SLC29A4: variants seen among roughly 807,000 people sequenced by gnomAD.
SLC29A4 encodes equilibrative nucleoside transporter 4.
A neutral mutation model predicts 43.9 loss-of-function variants in SLC29A4; 36 were observed. The ratio of observed to expected loss-of-function variants is 0.82; its 90% CI spans 0.63 to 1.08. The LOEUF (loss-of-function observed/expected upper bound fraction) is 1.08. Among genes scored for constraint, SLC29A4 ranks in the 50% least tolerant of loss-of-function variants. SLC29A4 has a pLI of 0.00. For missense variants in SLC29A4, 869 were observed against 755.3 expected (o/e 1.15, Z -1.77); for synonymous variants, 491 against 338.0 (o/e 1.45, Z -4.97).
intron 6 of SLC29A4, 120 bp from the exon 7 acceptor site, chr7:5,296,816 G>C: frequency 8.7e-7 from 1 of 1,149,040 alleles, no homozygotes; most frequent in Non-Finnish European, 1.2e-6. Context: ...TGGGGGCAGG[G>C]CCTGTGGTGG....
In SLC29A4 at chr7:5,305,298, C is replaced by A. The variant is rs2128094477; in HGVS notation, c.*2359C>A. On this transcript the variant is annotated 3_prime_UTR_variant, in exon 11 of 11. Transcript: ENST00000396872. ...AGTGTTTCCCAGAGCCCATGCCGGG[C>A]CCTTCCCTTGCCCGAGGCCGGCTGG... The A allele has an allele frequency of 6.6e-6, 1 of 152,438 alleles. No homozygotes were observed. The highest frequency in any genetic ancestry group is 2.4e-5 in the African/African-American group (1 of 41,592). 9.4% of individuals were successfully genotyped at this position (152,438 alleles called of 1,614,324 possible). A position where few individuals can be genotyped will look rare whatever the true frequency, so the allele number is the denominator to read the frequency against.
Position 5,306,187 on chromosome 7 carries a change from A to ATTTGTTTTTTTTTTT in SLC29A4, c.*3251_*3252insGTTTTTTTTTTTTTT, listed in dbSNP as rs1333210739. On this transcript the variant is annotated 3_prime_UTR_variant, in exon 11 of 11. Coordinates refer to ENST00000396872, the MANE Select transcript of SLC29A4 (RefSeq NM_153247.4). ...ATTTTTTCTCATGTAAATTTGTTCA[A>ATTTGTTTTTTTTTTT]TTTCTTTTTTTTTTTTTTTTTTTTT... is the stretch of plus-strand genomic sequence containing the variant. 2 of 117,584 alleles carry ATTTGTTTTTTTTTTT rather than the reference A, an allele frequency of 1.7e-5. No homozygotes were observed. The highest frequency in any genetic ancestry group is 3.2e-5 in the African/African-American group (1 of 31,348). 7.3% of individuals were successfully genotyped at this position (117,584 alleles called of 1,614,324 possible).
chr7:5,287,938 A>G lies in SLC29A4; in HGVS notation c.122A>G (p.Gln41Arg). 6.2e-7 allele frequency: 1 copy of G among 1,611,264 alleles called. No homozygotes were observed. The highest frequency in any genetic ancestry group is 1.1e-5 in the South Asian group (1 of 90,962). Reference sequence around the variant, plus strand: ...CTGGAGGAGGCGGCGGAGGCGGCTCAGGGCCAGGGCCTTAGGGCCAGGGGC... The same window carrying G: ...CTGGAGGAGGCGGCGGAGGCGGCTCGGGGCCAGGGCCTTAGGGCCAGGGGC... ...HQLEEAAEAA[Q>R]GQGLRARGVP... Residue 41 changes from glutamine to arginine, a missense_variant, in exon 2 of 11, where the codon CAG (glutamine) becomes CGG (arginine). Transcript: ENST00000396872.
rs972043236 is a variant in SLC29A4, at chr7:5,304,120, C to G, written c.*1181C>G. 1.3e-5 allele frequency: 2 copies of G among 152,372 alleles called. No individual in the cohort carries two copies. Among genetic ancestry groups the G allele is most frequent in the African/African-American group, 4.8e-5 (2 of 41,476 alleles). 9.4% of individuals were successfully genotyped at this position (152,372 alleles called of 1,614,324 possible). ...GGGCTGGGACTGCCATCTCGGGATA[C>G]CGGTGGAACTCGGGCTGCCCCGCAT... is the stretch of plus-strand genomic sequence containing the variant. On this transcript the variant is annotated 3_prime_UTR_variant, in exon 11 of 11. Transcript: ENST00000396872.
intron 2 of SLC29A4, among the ~76,000 whole-genome samples, chr7:5,288,424 C>T (rs530041037): frequency 6.7e-6 from 1 of 150,370 alleles, no homozygotes; most frequent in Admixed American, 6.7e-5. Flanking sequence ...CCTGCCTCAG[C>T]CTCCCAAGTA....
chr7:5,300,445 C>G lies in SLC29A4; in HGVS notation c.1233C>G (p.Asp411Glu), dbSNP rs1414808298. 1 of 1,611,346 alleles carries G rather than the reference C, an allele frequency of 6.2e-7. No individual in the cohort carries two copies. The change falls in exon 10 of 11, where the codon GAC becomes GAG. Residue 411 changes from aspartate (D) to glutamate (E), a missense_variant. Coordinates refer to ENST00000396872, the MANE Select transcript of SLC29A4 (RefSeq NM_153247.4). ...VGKILAALPV[D>E]WRGTHLLACS... ...AGATCCTGGCAGCCCTGCCCGTGGA[C>G]TGGCGGGGCACCCACCTGCTGGCCT...
intron 1 of SLC29A4, among the ~76,000 whole-genome samples, chr7:5,287,343 A>G (rs1228049734): frequency 6.6e-6 from 1 of 151,886 alleles, no homozygotes; most frequent in Non-Finnish European, 1.5e-5. Context: ...CCTTGAGCCC[A>G]GGAGGTCGTG....
intron 5 of SLC29A4, among the ~76,000 whole-genome samples, chr7:5,292,024 C>T (rs6463370): frequency 0.69 from 104,505 of 151,790 alleles, 36,532 homozygotes; most frequent in East Asian, 0.89. Flanking sequence ...GTGTGCGCAG[C>T]GTGTAGCCAC....
rs1247235716 is a variant in SLC29A4, at chr7:5,287,953, G to C, written c.137G>C (p.Arg46Thr). ...AAEAAQGQGLRARGVPAFTDT... is the reference protein window; with the variant it reads ...AAEAAQGQGLTARGVPAFTDT... ...GAGGCGGCTCAGGGCCAGGGCCTTA[G>C]GGCCAGGGGCGTCCCAGCTTTCACG... The change falls in exon 2 of 11, where the codon AGG (arginine) becomes ACG (threonine). Residue 46 changes from arginine (R) to threonine (T), a missense_variant. Arg to Thr is a moderately conservative substitution (Grantham distance 71). Coordinates refer to ENST00000396872, the MANE Select transcript of SLC29A4 (RefSeq NM_153247.4). 10 of 1,610,256 alleles carry C rather than the reference G, an allele frequency of 6.2e-6. No individual in the cohort carries two copies. The highest frequency in any genetic ancestry group is 8.5e-7 in the Non-Finnish European group (1 of 1,179,364).
intron 4 of SLC29A4, among the ~76,000 whole-genome samples, 172 bp from the exon 5 acceptor site, chr7:5,291,521 C>T (rs1785308732): frequency 1.3e-5 from 2 of 152,226 alleles, no homozygotes; most frequent in Non-Finnish European, 2.9e-5. Flanking sequence ...CAAATGGTGC[C>T]TCCTACAGGA....
At chr7:5,297,234 G>GT in intron 7 of SLC29A4, 36 bp downstream of exon 7, 1 of 316,282 alleles carries the variant, frequency 3.2e-6, no homozygotes, top group East Asian at 2.3e-4. Context: ...TCCCTTCTCT[G>GT]TCCCCTTCTC....
rs1259420444 is a variant in SLC29A4, at chr7:5,306,861, AATTCCAAAAGAAACAT to A, written c.*3924_*3939del. 1 of 140,448 alleles carries A rather than the reference AATTCCAAAAGAAACAT, an allele frequency of 7.1e-6. No homozygotes were observed. Among genetic ancestry groups the A allele is most frequent in the East Asian group, 2.1e-4 (1 of 4,764 alleles). The allele number at this position is 140,448 out of a possible 1,614,324, so 8.7% of individuals were successfully genotyped here. ...TCACACAGAATTTGCCAACAAACAA[AATTCCAAAAGAAACAT>A]AAAAAAAAAAACCAATAATTCCCCC... On this transcript the variant is annotated 3_prime_UTR_variant, in exon 11 of 11. Coordinates refer to ENST00000396872, the MANE Select transcript of SLC29A4 (RefSeq NM_153247.4).
intron 1 of SLC29A4, among the ~76,000 whole-genome samples, chr7:5,287,418 A>G (rs780871845): frequency 6.7e-5 from 8 of 119,178 alleles, no homozygotes; most frequent in South Asian, 4.9e-4. Context: ...ACCCTGTCTG[A>G]AAAAAAAAAA....
chr7:5,301,162 G>A (rs977609041), intron 10 of SLC29A4, among the ~76,000 whole-genome samples: 8 of 152,032 alleles, frequency 5.3e-5, no homozygotes, highest in Admixed American at 3.3e-4. Flanking sequence ...TACTCGGGAG[G>A]CTGAGATGGG....
rs189428460 is a variant in SLC29A4, at chr7:5,299,090, C to A, written c.985C>A (p.Arg329=). The A allele has an allele frequency of 3.2e-5, 51 of 1,610,398 alleles. 1 individual carries two copies. The Middle Eastern group carries it at 5.0e-4, about 16-fold the overall frequency. ...GGCCTACATGCGCTTTGATGTGCCG[C>A]GGCCAAGGGTCCAGCGCAGCTGGCC... ...GGAYMRFDVP[R]PRVQRSWPTF... Residue 329 remains arginine, a synonymous_variant, in exon 8 of 11, where the codon CGG becomes AGG. Transcript: ENST00000396872.
intron 10 of SLC29A4, among the ~76,000 whole-genome samples, chr7:5,301,290 C>T (rs565610534): frequency 2.0e-5 from 3 of 149,734 alleles, no homozygotes; most frequent in East Asian, 2.0e-4. Context: ...CCCAGATCGG[C>T]GTGACTGGTT....
chr7:5,304,971 C>T lies in SLC29A4; in HGVS notation c.*2032C>T, dbSNP rs917947799. ...AGCTGTGAATACAGGCGCGTGCCACCACGTCTGGCCAGATTCTTTTATTTT... is the reference window on the plus strand; with the variant it reads ...AGCTGTGAATACAGGCGCGTGCCACTACGTCTGGCCAGATTCTTTTATTTT... On this transcript the variant is annotated 3_prime_UTR_variant, in exon 11 of 11. Transcript: ENST00000396872. 3 of 152,266 alleles carry T rather than the reference C, an allele frequency of 2.0e-5. No homozygotes were observed. Among genetic ancestry groups the T allele is most frequent in the East Asian group, 3.8e-4 (2 of 5,198 alleles). 9.4% of individuals were successfully genotyped at this position (152,266 alleles called of 1,614,324 possible).
rs62441152 is a variant in SLC29A4, at chr7:5,304,169, C to A, written c.*1230C>A. On this transcript the variant is annotated 3_prime_UTR_variant, in exon 11 of 11. Transcript: ENST00000396872. ...ATAAGCCGGTCCTCAGTCTTCCCAT[C>A]TGTGAGGTGGGCCGGGTGGATCAGG... is the stretch of plus-strand genomic sequence containing the variant. 0.087 allele frequency: 13,297 copies of A among 152,530 alleles called. 741 individuals carry two copies. The highest frequency in any genetic ancestry group is 0.16 in the African/African-American group (6,640 of 41,574). The allele number at this position is 152,530 out of a possible 1,614,324, so 9.4% of individuals were successfully genotyped here. A position where few individuals can be genotyped will look rare whatever the true frequency, so the allele number is the denominator to read the frequency against.
Position 5,294,852 on chromosome 7 carries a change from C to A in SLC29A4, c.545-8C>A. 1 of 1,612,334 alleles carries A rather than the reference C, an allele frequency of 6.2e-7. No homozygotes were observed. Among genetic ancestry groups the A allele is most frequent in the Non-Finnish European group, 8.5e-7 (1 of 1,179,700 alleles). ...GCCTCTGGGTTGTTCCTCTCTCTCT[C>A]TCTTAAGTGCAGCAATCCAGCTTCT... is the stretch of plus-strand genomic sequence containing the variant. On this transcript the variant is annotated splice_polypyrimidine_tract_variant and splice_region_variant and intron_variant, in intron 5 of 10. Coordinates refer to ENST00000396872, the MANE Select transcript of SLC29A4 (RefSeq NM_153247.4).
Sources: allele counts gnomAD v4.1 joint callset (sites outside exome capture counted in the v4.1 genomes callset), GRCh38; gene constraint gnomAD v4.1.1; transcripts MANE v1.5; gene names NCBI Gene and HGNC (gene_info 2026-07-23, HGNC 2026-07-21).